The following CALD1 variants were observed in gnomAD, a reference collection of about 807,000 sequenced individuals.
CALD1 encodes the protein caldesmon.
In CALD1, 33 loss-of-function variants were observed where a neutral mutation model predicts 99.9. The ratio of observed to expected loss-of-function variants is 0.33; its 90% CI spans 0.25 to 0.44. The LOEUF is 0.44. CALD1 is among the 20% of genes least tolerant of loss of function. CALD1 has a pLI of 1.00. For missense variants in CALD1, 861 were observed against 962.1 expected (o/e 0.89, Z 1.39); for synonymous variants, 310 against 325.0 (o/e 0.95, Z 0.50).
At chr7:134,777,822 A>G (rs551281801), upstream of CALD1, among the ~76,000 whole-genome samples, 3 of 152,294 alleles carry the variant, frequency 2.0e-5, no homozygotes, top group African/African-American at 7.2e-5. Context: ...TTACCAGACT[A>G]TGTAGTATTA....
chr7:134,810,482 A>T (rs1442433736), intron 1 of CALD1, among the ~76,000 whole-genome samples: 3 of 152,132 alleles, frequency 2.0e-5, no homozygotes, highest in Non-Finnish European at 4.4e-5. Context: ...CAAAGAGTCA[A>T]TATCCTCCTG....
rs377462727 is a variant in CALD1, at chr7:134,847,435, C to T, written c.-42+3464C>T. 6.3e-4 allele frequency among the ~76,000 whole-genome samples: 96 copies of T among 152,262 alleles called. 4 individuals are homozygous for T. In the South Asian group the frequency reaches 0.02, roughly 31 times the overall value. ...TATATGGGAGAAGGTCTGGAATCCA[C>T]TCCCTTCCCTGGGAGTCTCCTCTCA... On this transcript the variant is annotated intron_variant, in intron 2 of 14. Transcript: ENST00000361675.
intron 1 of CALD1, among the ~76,000 whole-genome samples, chr7:134,797,476 T>G (rs1158421444): frequency 6.6e-6 from 1 of 152,240 alleles, no homozygotes; most frequent in East Asian, 1.9e-4. Context: ...TATAGCAGAA[T>G]ATATTAAAGT....
At chr7:134,750,466 C>T (rs991688084) in intron 1 of CALD1, among the ~76,000 whole-genome samples, 7 of 152,280 alleles carry the variant, frequency 4.6e-5, no homozygotes, top group South Asian at 2.1e-4. Flanking sequence ...TACCGATTAC[C>T]GCTAGAATTG....
chr7:134,919,166 A>G (rs1190723438), intron 3 of CALD1, among the ~76,000 whole-genome samples: 3 of 152,230 alleles, frequency 2.0e-5, no homozygotes, highest in Non-Finnish European at 4.4e-5. Context: ...GCATGGATTC[A>G]GAAATGAGCC....
intron 1 of CALD1, among the ~76,000 whole-genome samples, chr7:134,832,059 C>T (rs1172865367): frequency 6.6e-6 from 1 of 152,236 alleles, no homozygotes; most frequent in Non-Finnish European, 1.5e-5. Context: ...GGTGGGCATG[C>T]GCACAGCCCT....
At chr7:134,930,740 CAAA>C (rs934859475) in intron 4 of CALD1, among the ~76,000 whole-genome samples, 4 of 152,046 alleles carry the variant, frequency 2.6e-5, no homozygotes, top group Non-Finnish European at 4.4e-5. Flanking sequence ...TACCTTTCTC[CAAA>C]AAATGCTGCT....
intron 3 of CALD1, 79 bp downstream of exon 3, chr7:134,867,883 G>A (rs1452911): frequency 0.3 from 248,559 of 826,190 alleles, 41,630 homozygotes; most frequent in East Asian, 0.68. Context: ...ATCCTTTTGA[G>A]AGGCCAAATG....
At chr7:134,807,064 A>G (rs1207856217) in intron 1 of CALD1, among the ~76,000 whole-genome samples, 1 of 147,330 alleles carries the variant, frequency 6.8e-6, no homozygotes, top group African/African-American at 2.6e-5. Context: ...CTGTGGTCGG[A>G]GGAAGATTCT....
In CALD1 at chr7:134,945,991, T is replaced by G. The variant is rs564935400; in HGVS notation, c.1533-1517T>G. ...CTTAGTTACAGCCACTTTTTCCCAT[T>G]CCCAGCGCCTGAACCTTTCTGTCTT... On this transcript the variant is annotated intron_variant, in intron 7 of 14. Coordinates refer to ENST00000361675, the MANE Select transcript of CALD1 (RefSeq NM_033138.4). 2.0e-4 allele frequency among the ~76,000 whole-genome samples: 31 copies of G among 152,266 alleles called. No individual in the cohort carries two copies. In the South Asian group the frequency reaches 6.0e-3, roughly 30 times the overall value.
intron 4 of CALD1, among the ~76,000 whole-genome samples, chr7:134,932,333 A>C (rs1427983957): frequency 1.3e-5 from 2 of 152,214 alleles, no homozygotes; most frequent in East Asian, 3.8e-4. Context: ...TTCCTCTCAA[A>C]GTACCTTGGG....
intron 1 of CALD1, among the ~76,000 whole-genome samples, chr7:134,770,232 C>T (rs138582772): frequency 2.9e-4 from 44 of 152,298 alleles, no homozygotes; most frequent in South Asian, 1.0e-3. Context: ...CTGGACTCAC[C>T]GGCCCAGCCC....
intron 3 of CALD1, among the ~76,000 whole-genome samples, chr7:134,869,645 G>A (rs537252802): frequency 4.6e-5 from 7 of 152,288 alleles, no homozygotes; most frequent in South Asian, 2.1e-4. Context: ...TTCTTGAATC[G>A]TCAGAGAGGA....
At chr7:134,784,802 T>A (rs1797244569) in intron 1 of CALD1, among the ~76,000 whole-genome samples, 1 of 152,048 alleles carries the variant, frequency 6.6e-6, no homozygotes, top group African/African-American at 2.4e-5. Flanking sequence ...CCAGCCGCGG[T>A]CCATGGATAT....
intron 1 of CALD1, among the ~76,000 whole-genome samples, chr7:134,760,684 ATACT>A (rs1342727390): frequency 6.6e-6 from 1 of 152,238 alleles, no homozygotes; most frequent in Non-Finnish European, 1.5e-5. Flanking sequence ...ATATGAAGTA[ATACT>A]TACAACTTTG....
chr7:134,811,107 C>G (rs896077412), intron 1 of CALD1, among the ~76,000 whole-genome samples: 3 of 152,202 alleles, frequency 2.0e-5, no homozygotes, highest in Admixed American at 1.3e-4. Context: ...GTTTACTACT[C>G]TCATCTCCCT....
chr7:134,954,904 C>CAGAA (rs1807647268), intron 9 of CALD1, among the ~76,000 whole-genome samples: 1 of 152,342 alleles, frequency 6.6e-6, no homozygotes, highest in Non-Finnish European at 1.5e-5. Context: ...TTTCTGAAAC[C>CAGAA]ATGTAAACCA....
chr7:134,723,186 T>C, the CALD1 span, among the ~76,000 whole-genome samples: 4 of 152,224 alleles, frequency 2.6e-5, no homozygotes, highest in Admixed American at 1.3e-4. Context: ...TAAAAAGATA[T>C]AACTGTTATA....
At chr7:134,853,108 C>T (rs1800147858) in intron 2 of CALD1, among the ~76,000 whole-genome samples, 2 of 152,126 alleles carry the variant, frequency 1.3e-5, no homozygotes, top group African/African-American at 4.8e-5. Flanking sequence ...AAGTTAATGT[C>T]TTAACGTGGA....
Sources: gnomAD v4.1 joint callset for allele counts (sites outside exome capture counted in the v4.1 genomes callset) on GRCh38, gnomAD v4.1.1 for gene constraint, MANE v1.5 for transcripts, NCBI Gene and HGNC (gene_info 2026-07-23, HGNC 2026-07-21) for gene names.